The following SRD5A2 variants were observed in gnomAD, a reference collection of about 807,000 sequenced individuals.
SRD5A2 encodes the protein 3-oxo-5-alpha-steroid 4-dehydrogenase 2.
Under a neutral mutation model 27.4 loss-of-function variants are expected in SRD5A2, and 30 were observed. The observed-to-expected ratio is 1.10, with a 90% CI of 0.82 to 1.49. The LOEUF is 1.49. Among genes scored for constraint, SRD5A2 ranks in the 40% most tolerant of loss-of-function variants. The pLI, the probability that SRD5A2 is intolerant of heterozygous loss-of-function variation, is 0.00. For synonymous variants in SRD5A2, 141 were observed against 133.6 expected, an observed-to-expected ratio of 1.06 and a Z score of -0.38; for missense variants, 348 against 323.4, an observed-to-expected ratio of 1.08 and a Z score of -0.58.
chr2:31,537,612 T>C (rs1205127228), intron 1 of SRD5A2, among the ~76,000 whole-genome samples: 1 of 152,244 alleles, frequency 6.6e-6, no homozygotes, highest in Non-Finnish European at 1.5e-5. Context: ...CCTCTAAATA[T>C]GAGAGTGCCC....
intron 1 of SRD5A2, among the ~76,000 whole-genome samples, chr2:31,538,616 G>A (rs1666071733): frequency 6.6e-6 from 1 of 152,042 alleles, no homozygotes; most frequent in Non-Finnish European, 1.5e-5. Flanking sequence ...CTGCCTTCAA[G>A]ACCCTAGACA....
the SRD5A2 span, among the ~76,000 whole-genome samples, chr2:31,591,457 G>A: frequency 2.0e-5 from 3 of 151,990 alleles, no homozygotes; most frequent in Non-Finnish European, 4.4e-5. Flanking sequence ...GAGAGGATGT[G>A]GAGAAATAGG....
At chr2:31,607,218 A>G in the SRD5A2 span, among the ~76,000 whole-genome samples, 5 of 152,018 alleles carry the variant, frequency 3.3e-5, no homozygotes, top group Admixed American at 2.6e-4. Flanking sequence ...AGAAAGACCA[A>G]TTAAAAAGTT....
At chr2:31,598,166 G>A in the SRD5A2 span, among the ~76,000 whole-genome samples, 4 of 152,014 alleles carry the variant, frequency 2.6e-5, no homozygotes, top group Non-Finnish European at 5.9e-5. Context: ...GATGTAGTTG[G>A]ATACCATTAT....
At chr2:31,608,850 G>A in the SRD5A2 span, among the ~76,000 whole-genome samples, 3 of 152,130 alleles carry the variant, frequency 2.0e-5, no homozygotes, top group African/African-American at 4.8e-5. Context: ...GCCCGCTATG[G>A]ACTAAATTAC....
chr2:31,625,789 T>C, the SRD5A2 span, among the ~76,000 whole-genome samples: 1 of 152,202 alleles, frequency 6.6e-6, no homozygotes, highest in Non-Finnish European at 1.5e-5. Context: ...TGAAGTCAGG[T>C]AGTGTGATGC....
the SRD5A2 span, among the ~76,000 whole-genome samples, chr2:31,624,237 A>G: frequency 6.6e-6 from 1 of 152,048 alleles, no homozygotes; most frequent in African/African-American, 2.4e-5. Flanking sequence ...AAACAATCCA[A>G]TTATACTCTT....
chr2:31,611,946 C>T, the SRD5A2 span, among the ~76,000 whole-genome samples: 1 of 152,078 alleles, frequency 6.6e-6, no homozygotes, highest in African/African-American at 2.4e-5. Context: ...CAAGTTGGGG[C>T]ATATCCATAC....
intron 1 of SRD5A2, among the ~76,000 whole-genome samples, chr2:31,549,768 T>A (rs1383434282): frequency 6.6e-6 from 1 of 152,002 alleles, no homozygotes; most frequent in African/African-American, 2.4e-5. Flanking sequence ...AATAAATAGA[T>A]CTACTATTAA....
At chr2:31,559,924 G>A (rs1666584684) in intron 1 of SRD5A2, among the ~76,000 whole-genome samples, 1 of 151,386 alleles carries the variant, frequency 6.6e-6, no homozygotes. Context: ...GCTCTGAAGA[G>A]TAATCTCAAA....
At chr2:31,529,878 C>T (rs1320456214) in intron 3 of SRD5A2, among the ~76,000 whole-genome samples, 1 of 152,120 alleles carries the variant, frequency 6.6e-6, no homozygotes, top group Non-Finnish European at 1.5e-5. Flanking sequence ...TGAAACTGCA[C>T]ACTACATTAA....
At chr2:31,555,591 C>T (rs915494049) in intron 1 of SRD5A2, among the ~76,000 whole-genome samples, 1 of 152,098 alleles carries the variant, frequency 6.6e-6, no homozygotes, top group Admixed American at 6.6e-5. Flanking sequence ...AAAGTAGAGC[C>T]AAGAGCTGGA....
the SRD5A2 span, among the ~76,000 whole-genome samples, chr2:31,645,745 T>C: frequency 6.6e-6 from 1 of 152,234 alleles, no homozygotes; most frequent in East Asian, 1.9e-4. Context: ...TTATTATCTT[T>C]ATATCAGCAG....
At chr2:31,597,990 G>A in the SRD5A2 span, among the ~76,000 whole-genome samples, 1 of 152,008 alleles carries the variant, frequency 6.6e-6, no homozygotes, top group African/African-American at 2.4e-5. Flanking sequence ...ATGGCAAAAA[G>A]ATACTTGCAC....
the SRD5A2 span, among the ~76,000 whole-genome samples, chr2:31,611,339 G>C: frequency 1.3e-5 from 2 of 152,100 alleles, no homozygotes; most frequent in Non-Finnish European, 2.9e-5. Context: ...TGCAACCGTA[G>C]TAACTGCAGC....
At chr2:31,572,420 A>G (rs1055556199) in intron 1 of SRD5A2, among the ~76,000 whole-genome samples, 1 of 152,256 alleles carries the variant, frequency 6.6e-6, no homozygotes, top group Non-Finnish European at 1.5e-5. Context: ...GTTTACCTGT[A>G]TAACAGAACT....
At chr2:31,635,654 T>G in the SRD5A2 span, among the ~76,000 whole-genome samples, 1 of 152,124 alleles carries the variant, frequency 6.6e-6, no homozygotes, top group African/African-American at 2.4e-5. Context: ...CTAGAACATT[T>G]CTCCATTATT....
At chr2:31,650,174 T>C in the SRD5A2 span, among the ~76,000 whole-genome samples, 4 of 152,164 alleles carry the variant, frequency 2.6e-5, no homozygotes, top group Non-Finnish European at 5.9e-5. Flanking sequence ...AAAACAAACC[T>C]GCAGACATAG....
the SRD5A2 span, among the ~76,000 whole-genome samples, chr2:31,661,186 ACCGGAATCTGG>A: frequency 6.6e-6 from 1 of 152,176 alleles, no homozygotes; most frequent in Non-Finnish European, 1.5e-5. Flanking sequence ...CCAAGATACC[ACCGGAATCTGG>A]CCAGCTACAT....
Sources: gnomAD v4.1 joint callset for allele counts (sites outside exome capture counted in the v4.1 genomes callset) on GRCh38, gnomAD v4.1.1 for gene constraint, MANE v1.5 for transcripts, NCBI Gene and HGNC (gene_info 2026-07-23, HGNC 2026-07-21) for gene names.